GSE1: variants seen among roughly 807,000 people sequenced by gnomAD.
The protein encoded by GSE1 is Gse1 coiled-coil protein.
GSE1 carries 32 observed loss-of-function variants against 112.6 expected under a neutral mutation model. The observed-to-expected ratio is 0.28, with a 90% CI of 0.21 to 0.38. GSE1 has a LOEUF of 0.38. Among genes scored for constraint, GSE1 ranks in the 10% least tolerant of loss-of-function variants. The probability of loss-of-function intolerance (pLI) is 1.00; values close to 1 mark genes in which losing one functional copy is unlikely to be tolerated. For synonymous variants in GSE1, 1,115 were observed against 735.6 expected, an observed-to-expected ratio of 1.52 and a Z score of -8.35; for missense variants, 2,348 against 1,699.2, an observed-to-expected ratio of 1.38 and a Z score of -6.71.
intron 1 of GSE1, among the ~76,000 whole-genome samples, chr16:85,229,794 C>T (rs1450026636): frequency 1.3e-5 from 2 of 152,180 alleles, no homozygotes; most frequent in Non-Finnish European, 2.9e-5. Context: ...AAATGTGATT[C>T]TCTTGGTCCT....
intron 2 of GSE1, among the ~76,000 whole-genome samples, chr16:85,376,998 G>A (rs895473381): frequency 6.6e-6 from 1 of 152,260 alleles, no homozygotes; most frequent in African/African-American, 2.4e-5. Flanking sequence ...GTTGCCCAGT[G>A]TGAGTGACCC....
intron 2 of GSE1, among the ~76,000 whole-genome samples, chr16:85,478,364 TA>T (rs2050527929): frequency 6.6e-6 from 1 of 151,820 alleles, no homozygotes; most frequent in Non-Finnish European, 1.5e-5. Context: ...CCGTCCCTAC[TA>T]AAAATACAAA....
chr16:85,645,789 A>G (rs908535823), intron 2 of GSE1, among the ~76,000 whole-genome samples: 5 of 152,224 alleles, frequency 3.3e-5, no homozygotes, highest in Admixed American at 3.3e-4. Flanking sequence ...TCCTTCTGGA[A>G]AGGGCATCTA....
At chr16:85,196,674 G>T (rs1236591923) in intron 1 of GSE1, among the ~76,000 whole-genome samples, 1 of 152,082 alleles carries the variant, frequency 6.6e-6, no homozygotes, top group Non-Finnish European at 1.5e-5. Context: ...CCCTGACCTT[G>T]AGCAGCTCCA....
Position 85,498,054 on chromosome 16 carries a change from G to T in GSE1, c.2465-135860G>T, listed in dbSNP as rs1437257117. On this transcript the variant is annotated intron_variant, in intron 2 of 2. Transcript: ENST00000637419. ...AGCACCACACCTCAGTGGGGTGGGG[G>T]TGGGGTGGGTGCCTGGATCTGGCCC... is the stretch of plus-strand genomic sequence containing the variant. Among the ~76,000 whole-genome samples the T allele has an allele frequency of 2.6e-5, 4 of 152,164 alleles. No homozygotes were observed. The East Asian group carries it at 7.7e-4, about 29-fold the overall frequency.
At chr16:85,444,780 C>T (rs890448514) in intron 2 of GSE1, among the ~76,000 whole-genome samples, 1 of 152,194 alleles carries the variant, frequency 6.6e-6, no homozygotes, top group African/African-American at 2.4e-5. Flanking sequence ...CTCATGCCAT[C>T]GCTGTGCTGG....
chr16:85,291,530 G>A (rs371208537), intron 1 of GSE1, among the ~76,000 whole-genome samples: 3 of 152,312 alleles, frequency 2.0e-5, no homozygotes, highest in Non-Finnish European at 2.9e-5. Flanking sequence ...AAGGGCTGTC[G>A]GCCCTGGCAG....
intron 1 of GSE1, among the ~76,000 whole-genome samples, chr16:85,330,721 G>A (rs560610846): frequency 3.3e-5 from 5 of 152,296 alleles, no homozygotes; most frequent in South Asian, 4.1e-4. Flanking sequence ...ACATCTGCCC[G>A]GATCCCAGAG....
intron 1 of GSE1, among the ~76,000 whole-genome samples, chr16:85,341,960 C>G (rs938985479): frequency 1.3e-5 from 2 of 152,268 alleles, no homozygotes; most frequent in South Asian, 4.2e-4. Flanking sequence ...TACCCTCGGT[C>G]TCTCGGCAGT....
chr16:85,661,097 G>T (rs2052389885), intron 8 of GSE1, 49 bp from the exon 9 acceptor site: 1 of 1,511,706 alleles, frequency 6.6e-7, no homozygotes, highest in South Asian at 1.3e-5. Context: ...GCCTGTGGAT[G>T]ACTGAAGGGT....
chr16:85,523,415 G>A (rs2052257784), intron 2 of GSE1, among the ~76,000 whole-genome samples: 2 of 152,246 alleles, frequency 1.3e-5, no homozygotes, highest in Non-Finnish European at 2.9e-5. Flanking sequence ...TGCTCAGGAA[G>A]GTGCTGGGTA....
At chr16:85,518,476 C>G (rs28526137) in intron 2 of GSE1, among the ~76,000 whole-genome samples, 38,222 of 151,920 alleles carry the variant, frequency 0.25, 5,372 homozygotes, top group East Asian at 0.42. Flanking sequence ...AGTAACTTGG[C>G]CAAGGTCTCA....
chr16:85,616,940 T>C (rs1356627050), intron 1 of GSE1, among the ~76,000 whole-genome samples: 1 of 152,220 alleles, frequency 6.6e-6, no homozygotes, highest in East Asian at 1.9e-4. Flanking sequence ...GCCCTTTGCA[T>C]GCCTGCCAAA....
chr16:85,663,834 G>C (rs1005988823), intron 11 of GSE1, among the ~76,000 whole-genome samples: 8 of 152,254 alleles, frequency 5.3e-5, no homozygotes, highest in African/African-American at 1.7e-4. Context: ...CCACCATCTT[G>C]ACCTGAGGAC....
intron 2 of GSE1, among the ~76,000 whole-genome samples, chr16:85,538,932 C>T (rs893248246): frequency 1.3e-5 from 2 of 152,218 alleles, no homozygotes; most frequent in East Asian, 3.9e-4. Flanking sequence ...GCTGGAGTGG[C>T]CTACAGCTGT....
At chr16:85,513,643 C>G (rs909025772) in intron 2 of GSE1, among the ~76,000 whole-genome samples, 2 of 151,968 alleles carry the variant, frequency 1.3e-5, no homozygotes, top group Non-Finnish European at 1.5e-5. Flanking sequence ...AGGCCTCACC[C>G]TCCTCCTCCA....
chr16:85,462,031 C>A (rs573905922), intron 2 of GSE1, among the ~76,000 whole-genome samples: 1 of 152,340 alleles, frequency 6.6e-6, no homozygotes, highest in Non-Finnish European at 1.5e-5. Context: ...AAAGGAGAGG[C>A]CAGCAGGCCC....
At chr16:85,613,113 C>T (rs762698115), upstream of GSE1, 1,346 of 1,031,652 alleles carry the variant, frequency 1.3e-3, 1 homozygote, top group Non-Finnish European at 1.7e-3. Context: ...CGCGCGCGCG[C>T]CTGTGTGTTT....
intron 2 of GSE1, 128 bp from the exon 3 acceptor site, chr16:85,648,424 G>C (rs982917214): frequency 3.3e-6 from 2 of 599,714 alleles, no homozygotes; most frequent in African/African-American, 3.8e-5. Flanking sequence ...GGGCCCATGA[G>C]GCTGGTAGAC....
Sources: gnomAD v4.1 joint callset for allele counts (sites outside exome capture counted in the v4.1 genomes callset) on GRCh38, gnomAD v4.1.1 for gene constraint, MANE v1.5 for transcripts, NCBI Gene and HGNC (gene_info 2026-07-23, HGNC 2026-07-21) for gene names.